The following BMAL1 variants were observed in gnomAD, a reference collection of about 807,000 sequenced individuals.
BMAL1 encodes the protein basic helix-loop-helix ARNT-like protein 1.
the BMAL1 span, chr11:13,353,455 G>A: frequency 6.6e-6 from 1 of 152,188 alleles, no homozygotes; most frequent in Non-Finnish European, 1.5e-5. Flanking sequence ...AGTCATAACA[G>A]GAGTACAAAG....
chr11:13,365,915 A>G, the BMAL1 span, among the ~76,000 whole-genome samples: 1 of 152,224 alleles, frequency 6.6e-6, no homozygotes. Flanking sequence ...GGTTAACACA[A>G]TACCAGAGAA....
chr11:13,354,200 G>GCCCCCCCCACCAAA, the BMAL1 span: 1 of 364,714 alleles, frequency 2.7e-6, no homozygotes, highest in South Asian at 2.0e-5. Context: ...TCCCCCCCCG[G>GCCCCCCCCACCAAA]CCCCCCACCA....
chr11:13,332,978 T>G, the BMAL1 span, among the ~76,000 whole-genome samples: 1 of 133,650 alleles, frequency 7.5e-6, no homozygotes, highest in African/African-American at 2.7e-5. Context: ...TTTTTTTTTT[T>G]CTTTGAGAGA....
chr11:13,338,836 A>G, the BMAL1 span, among the ~76,000 whole-genome samples: 1 of 152,210 alleles, frequency 6.6e-6, no homozygotes. Context: ...CAGGGCAGGA[A>G]CCATCCTAGG....
the BMAL1 span, among the ~76,000 whole-genome samples, chr11:13,292,440 G>T: frequency 6.6e-6 from 1 of 151,596 alleles, no homozygotes; most frequent in Non-Finnish European, 1.5e-5. Flanking sequence ...CCAGCTCCTC[G>T]GGAGGCTGAG....
chr11:13,306,361 A>T, the BMAL1 span, among the ~76,000 whole-genome samples: 1 of 152,202 alleles, frequency 6.6e-6, no homozygotes, highest in East Asian at 1.9e-4. Flanking sequence ...TGCAGCAGAA[A>T]GAAGGACAGG....
At chr11:13,279,485 T>C in the BMAL1 span, among the ~76,000 whole-genome samples, 217 of 152,352 alleles carry the variant, frequency 1.4e-3, 2 homozygotes, top group Middle Eastern at 0.014. Flanking sequence ...TGGTGGAGTT[T>C]TTAATTAATG....
chr11:13,299,096 C>T, the BMAL1 span, among the ~76,000 whole-genome samples: 3,064 of 152,284 alleles, frequency 0.02, 100 homozygotes, highest in African/African-American at 0.069. Flanking sequence ...GGACTGGCTC[C>T]AGCATCACTG....
chr11:13,318,452 T>G, the BMAL1 span, among the ~76,000 whole-genome samples: 145,144 of 151,998 alleles, frequency 0.95, 69,666 homozygotes, highest in East Asian at 1. Flanking sequence ...TATAAATTTC[T>G]ATAGCTGCTA....
chr11:13,369,773 A>G, the BMAL1 span: 2 of 1,607,770 alleles, frequency 1.2e-6, no homozygotes, highest in East Asian at 2.2e-5. Flanking sequence ...AAAAGGTAAC[A>G]ATTTAACAGT....
chr11:13,381,425 A>G, the BMAL1 span, among the ~76,000 whole-genome samples: 2 of 152,198 alleles, frequency 1.3e-5, no homozygotes, highest in African/African-American at 2.4e-5. Context: ...TGGTAGGGCT[A>G]GGGAGGCTTG....
the BMAL1 span, chr11:13,356,670 G>T: frequency 6.3e-7 from 1 of 1,579,888 alleles, no homozygotes; most frequent in South Asian, 1.1e-5. Flanking sequence ...AGAGCCTTCT[G>T]TCTTATGATA....
the BMAL1 span, among the ~76,000 whole-genome samples, chr11:13,301,660 A>G: frequency 3.9e-5 from 6 of 152,152 alleles, no homozygotes; most frequent in African/African-American, 1.4e-4. Context: ...AGTAGAGGAG[A>G]TGGAGATGGA....
the BMAL1 span, among the ~76,000 whole-genome samples, chr11:13,359,804 T>C: frequency 2.0e-5 from 3 of 152,224 alleles, no homozygotes; most frequent in South Asian, 2.1e-4. Flanking sequence ...GCGAGCTGCA[T>C]TGACTGAAGC....
At chr11:13,314,576 G>A in the BMAL1 span, among the ~76,000 whole-genome samples, 2 of 151,876 alleles carry the variant, frequency 1.3e-5, no homozygotes, top group Non-Finnish European at 2.9e-5. Flanking sequence ...TATTTTTTTA[G>A]CTCTTGTTTT....
At chr11:13,342,895 G>A in the BMAL1 span, among the ~76,000 whole-genome samples, 1 of 152,190 alleles carries the variant, frequency 6.6e-6, no homozygotes, top group African/African-American at 2.4e-5. Flanking sequence ...CTCAAACTTA[G>A]TTTCCTTATC....
chr11:13,349,280 G>A, the BMAL1 span, among the ~76,000 whole-genome samples: 2 of 152,230 alleles, frequency 1.3e-5, no homozygotes, highest in African/African-American at 2.4e-5. Context: ...ATTATGCTTC[G>A]GCTTAATGTT....
chr11:13,387,198 A>ACCC, the BMAL1 span: 1 of 153,868 alleles, frequency 6.5e-6, no homozygotes, highest in African/African-American at 2.4e-5. Context: ...CTTTACTATA[A>ACCC]ATATGGGTTA....
chr11:13,382,140 AAGG>A, the BMAL1 span, among the ~76,000 whole-genome samples: 3 of 152,192 alleles, frequency 2.0e-5, no homozygotes, highest in African/African-American at 7.2e-5. Context: ...GATAGTTGCT[AAGG>A]AGAGAGGGTA....
Sources: allele counts gnomAD v4.1 joint callset (sites outside exome capture counted in the v4.1 genomes callset), GRCh38; gene constraint gnomAD v4.1.1; transcripts MANE v1.5; gene names NCBI Gene and HGNC (gene_info 2026-07-23, HGNC 2026-07-21).